Variants in MPZL1 observed in about 807,000 individuals in gnomAD.
The protein encoded by MPZL1 is myelin protein zero-like protein 1.
Under a neutral mutation model 29.3 loss-of-function variants are expected in MPZL1, and 16 were observed. That is an observed-to-expected ratio of 0.55 (90% CI 0.37 to 0.83). The LOEUF (loss-of-function observed/expected upper bound fraction) is 0.83. Among genes scored for constraint, MPZL1 ranks in the 40% least tolerant of loss-of-function variants. The probability of loss-of-function intolerance (pLI) is 0.00; values close to 1 mark genes in which losing one functional copy is unlikely to be tolerated. For missense variants in MPZL1, 279 were observed against 332.9 expected (o/e 0.84, Z 1.26); for synonymous variants, 143 against 132.0 (o/e 1.08, Z -0.57).
In MPZL1 at chr1:167,733,553, T is replaced by C. The variant is rs540048573; in HGVS notation, c.91+11311T>C. Among the ~76,000 whole-genome samples, 5 of 152,092 alleles carry C rather than the reference T, an allele frequency of 3.3e-5. No homozygotes were observed. The East Asian group carries it at 9.7e-4, about 29-fold the overall frequency. On this transcript the variant is annotated intron_variant, in intron 1 of 5. Transcript: ENST00000359523. ...TGAGGTCAGGAGTTCAAGACCAGGC[T>C]GGTCAACATGGCAAAACCCCATCTC...
chr1:167,761,807 G>T (rs1257017240), intron 1 of MPZL1, among the ~76,000 whole-genome samples: 2 of 152,184 alleles, frequency 1.3e-5, no homozygotes, highest in East Asian at 1.9e-4. Flanking sequence ...AGTGGATAGA[G>T]AATTGAATTT....
chr1:167,722,386 G>A (rs1012145544), intron 1 of MPZL1, 144 bp downstream of exon 1: 1 of 1,211,386 alleles, frequency 8.3e-7, no homozygotes, highest in African/African-American at 1.6e-5. Context: ...TGGGGCCGAG[G>A]GGACCCAGCC....
chr1:167,743,916 T>A (rs957349152), intron 1 of MPZL1, among the ~76,000 whole-genome samples: 1 of 152,068 alleles, frequency 6.6e-6, no homozygotes, highest in African/African-American at 2.4e-5. Context: ...CTTGTCTGAT[T>A]TCTCGGGCTA....
At chr1:167,730,811 A>G (rs1300828092) in intron 1 of MPZL1, among the ~76,000 whole-genome samples, 2 of 152,144 alleles carry the variant, frequency 1.3e-5, no homozygotes, top group African/African-American at 4.8e-5. Flanking sequence ...CTTGCCTTAC[A>G]GAATGTCCAA....
chr1:167,773,202 T>G (rs1165067665), intron 3 of MPZL1, 34 bp from the exon 4 acceptor site: 2 of 1,596,052 alleles, frequency 1.3e-6, no homozygotes, highest in South Asian at 2.2e-5. Context: ...TCTGTAGCAA[T>G]GTACCTTAAA....
At chr1:167,763,345 G>A (rs567525959) in intron 1 of MPZL1, among the ~76,000 whole-genome samples, 94 of 152,074 alleles carry the variant, frequency 6.2e-4, no homozygotes, top group Non-Finnish European at 7.9e-4. Flanking sequence ...GTGAAACCCC[G>A]TCTCTACTAA....
intron 2 of MPZL1, among the ~76,000 whole-genome samples, chr1:167,771,802 C>G (rs576007504): frequency 6.6e-6 from 1 of 151,828 alleles, no homozygotes; most frequent in South Asian, 2.1e-4. Context: ...TGCAGCGAGC[C>G]GAGATCACAC....
intron 2 of MPZL1, among the ~76,000 whole-genome samples, 187 bp from the exon 3 acceptor site, chr1:167,772,088 A>G (rs958795975): frequency 3.9e-5 from 6 of 152,254 alleles, no homozygotes; most frequent in Non-Finnish European, 5.9e-5. Flanking sequence ...ACGGCAGTAC[A>G]GTCCAGCCTC....
At position 167,733,394 on chromosome 1, in the gene MPZL1, C is replaced by A. The variant is rs918170563; in HGVS notation, c.91+11152C>A. Among the ~76,000 whole-genome samples, 10 of 152,154 alleles carry A rather than the reference C, an allele frequency of 6.6e-5. No individual in the cohort carries two copies. The East Asian group carries it at 1.9e-3, about 29-fold the overall frequency. ...CTATAGATAAGAGTGTCACAAAGTT[C>A]TTTTAAAATGCTGGGACTCCCCTCA... On this transcript the variant is annotated intron_variant, in intron 1 of 5. Transcript: ENST00000359523.
chr1:167,769,560 G>A (rs1268620694), intron 2 of MPZL1, among the ~76,000 whole-genome samples: 2 of 152,130 alleles, frequency 1.3e-5, no homozygotes, highest in Non-Finnish European at 2.9e-5. Context: ...TTGTTTCTGA[G>A]TCTTCTTCAT....
intron 2 of MPZL1, among the ~76,000 whole-genome samples, chr1:167,766,119 A>T (rs1312394881): frequency 6.6e-6 from 1 of 151,948 alleles, no homozygotes; most frequent in African/African-American, 2.4e-5. Flanking sequence ...TTCTGATTTG[A>T]TTATCTTTTT....
At position 167,741,183 on chromosome 1, in the gene MPZL1, A is replaced by ATT. The variant is rs1161469215; in HGVS notation, c.91+18960_91+18961dup. ...AGGCATGTGCCACCACGCCTGGCTA[A>ATT]TTTTTTTTTTTTTTTTTTTTAGAGA... is the stretch of plus-strand genomic sequence containing the variant. On this transcript the variant is annotated intron_variant, in intron 1 of 5. Coordinates refer to ENST00000359523, the MANE Select transcript of MPZL1 (RefSeq NM_003953.6). Among the ~76,000 whole-genome samples the ATT allele has an allele frequency of 9.0e-3, 1,173 of 130,234 alleles. 34 individuals are homozygous for ATT. The highest frequency in any genetic ancestry group is 0.029 in the African/African-American group (1,000 of 34,340). 85.4% of individuals were successfully genotyped at this position (130,234 alleles called of 152,430 possible). A position where few individuals can be genotyped will look rare whatever the true frequency, so the allele number is the denominator to read the frequency against.
chr1:167,722,273 G>A (rs113502875), intron 1 of MPZL1, 31 bp downstream of exon 1: 2 of 1,235,424 alleles, frequency 1.6e-6, no homozygotes. Flanking sequence ...GGCTGGGGCC[G>A]GGGAGTGGGG....
intron 4 of MPZL1, 28 bp downstream of exon 4, chr1:167,773,396 G>A: frequency 6.3e-7 from 1 of 1,598,386 alleles, no homozygotes; most frequent in East Asian, 2.2e-5. Flanking sequence ...TTTAGGGCAG[G>A]GGTGGAGGGA....
intron 1 of MPZL1, among the ~76,000 whole-genome samples, chr1:167,722,551 G>T (rs1660056100): frequency 6.6e-6 from 1 of 152,206 alleles, no homozygotes. Flanking sequence ...GGGCGGCTGC[G>T]GTGAGCCCTC....
chr1:167,764,665 A>T (rs1029453448), intron 1 of MPZL1, among the ~76,000 whole-genome samples: 2 of 152,248 alleles, frequency 1.3e-5, no homozygotes, highest in Non-Finnish European at 2.9e-5. Context: ...GTAACAGATA[A>T]GCATGAGAAC....
At chr1:167,735,748 C>T (rs1660364531) in intron 1 of MPZL1, among the ~76,000 whole-genome samples, 1 of 152,158 alleles carries the variant, frequency 6.6e-6, no homozygotes. Flanking sequence ...AGACCTTTAA[C>T]TGATTGGATA....
At chr1:167,776,772 A>G (rs1159302828) in intron 5 of MPZL1, among the ~76,000 whole-genome samples, 3 of 152,236 alleles carry the variant, frequency 2.0e-5, no homozygotes, top group South Asian at 2.1e-4. Flanking sequence ...TATTTTAATT[A>G]TAACTGTGGC....
intron 1 of MPZL1, among the ~76,000 whole-genome samples, chr1:167,744,907 G>T (rs1389497811): frequency 6.6e-6 from 1 of 152,252 alleles, no homozygotes; most frequent in African/African-American, 2.4e-5. Flanking sequence ...CCGCAGAGGC[G>T]GATGGATCCA....
Sources: allele counts gnomAD v4.1 joint callset (sites outside exome capture counted in the v4.1 genomes callset), GRCh38; gene constraint gnomAD v4.1.1; transcripts MANE v1.5; gene names NCBI Gene and HGNC (gene_info 2026-07-23, HGNC 2026-07-21).